Variants in MAP3K4 observed in about 807,000 individuals in gnomAD.
The protein encoded by MAP3K4 is MAP three kinase 1.
MAP3K4 carries 67 observed loss-of-function variants against 185.6 expected under a neutral mutation model. That is an observed-to-expected ratio of 0.36 (90% confidence interval 0.30 to 0.44). MAP3K4 has a LOEUF of 0.44. Ranked by LOEUF, MAP3K4 falls within the 20% of genes least tolerant of loss-of-function variation. MAP3K4 has a pLI of 1.00. For synonymous variants in MAP3K4, 702 were observed against 710.4 expected, an observed-to-expected ratio of 0.99 and a Z score of 0.19; for missense variants, 1,551 against 1,995.1, an observed-to-expected ratio of 0.78 and a Z score of 4.24.
chr6:161,069,924 T>TC (rs1481646340), intron 3 of MAP3K4, among the ~76,000 whole-genome samples: 1 of 151,300 alleles, frequency 6.6e-6, no homozygotes, highest in East Asian at 2.0e-4. Flanking sequence ...ACATTCCAGA[T>TC]CCCCTACTTT....
In MAP3K4 at chr6:161,109,337, A is replaced by T. The variant is rs569459511; in HGVS notation, c.4237-418A>T. Among the ~76,000 whole-genome samples, 1 of 151,948 alleles carries T rather than the reference A, an allele frequency of 6.6e-6. No individual in the cohort carries two copies. On this transcript the variant is annotated intron_variant, in intron 22 of 26. Transcript: ENST00000392142. This position sits in a 1 kb window ranked among gnomAD's most constrained non-coding sequence, Gnocchi z 5.7. ...AACTTGGAGCATCGTGGTGTAGAGCATGAGCTTCCAGGGGAAGTTGGAAAT... is the reference window on the plus strand; with the variant it reads ...AACTTGGAGCATCGTGGTGTAGAGCTTGAGCTTCCAGGGGAAGTTGGAAAT...
intron 2 of MAP3K4, among the ~76,000 whole-genome samples, chr6:161,038,006 C>T (rs575814643): frequency 6.6e-6 from 1 of 151,806 alleles, no homozygotes; most frequent in East Asian, 1.9e-4. Context: ...CCTGTCTTTC[C>T]TTCCTTCCAT....
chr6:161,074,163 TGTCTG>T lies in MAP3K4; in HGVS notation c.2097+553_2097+557del. On this transcript the variant is annotated intron_variant, in intron 5 of 26. Coordinates refer to ENST00000392142, the MANE Select transcript of MAP3K4 (RefSeq NM_005922.4). This position sits in a 1 kb window ranked among gnomAD's most constrained non-coding sequence, Gnocchi z 5.0. ...GTGCCAGCAGAGAAGCTTGCTGTGTTGTCTGGGAGGCACTTCCAGTGAGGAAGCTG... is the reference window on the plus strand; with the variant it reads ...GTGCCAGCAGAGAAGCTTGCTGTGTTGGAGGCACTTCCAGTGAGGAAGCTG... Among the ~76,000 whole-genome samples the T allele has an allele frequency of 6.6e-6, 1 of 152,336 alleles. No homozygotes were observed. Among genetic ancestry groups the T allele is most frequent in the South Asian group, 2.1e-4 (1 of 4,826 alleles).
intron 1 of MAP3K4, 108 bp downstream of exon 1, chr6:160,992,191 A>G: frequency 1.5e-6 from 2 of 1,377,112 alleles, no homozygotes; most frequent in Admixed American, 3.2e-5. Flanking sequence ...GGAGGGAAGC[A>G]TCCAGTCTCT....
At chr6:161,015,540 G>T (rs1304082746) in intron 1 of MAP3K4, among the ~76,000 whole-genome samples, 1 of 152,134 alleles carries the variant, frequency 6.6e-6, no homozygotes, top group African/African-American at 2.4e-5. Context: ...AAGAAAAGAG[G>T]TTTACTTAGA....
rs1185157453 is a variant in MAP3K4, at chr6:161,038,181, AG to A, written c.343+3733del. Among the ~76,000 whole-genome samples, 7 of 152,266 alleles carry A rather than the reference AG, an allele frequency of 4.6e-5. No individual in the cohort carries two copies. The South Asian group carries it at 1.5e-3, about 32-fold the overall frequency. On this transcript the variant is annotated intron_variant, in intron 2 of 26. Coordinates refer to ENST00000392142, the MANE Select transcript of MAP3K4 (RefSeq NM_005922.4). ...CTCCATAGGCATGTGCTCTTTTGGA[AG>A]ATGAATAAGACCTAGTTCCAGGTCA...
chr6:161,028,630 T>C lies in MAP3K4; in HGVS notation c.153-5629T>C, dbSNP rs892377809. The stretch of plus-strand genomic sequence containing the variant: ...TGCTCTTCAGTAATTGTTGGGGAGA[T>C]AGCTTCTTATTCATTTCCATAGGAA... On this transcript the variant is annotated intron_variant, in intron 1 of 26. Coordinates refer to ENST00000392142, the MANE Select transcript of MAP3K4 (RefSeq NM_005922.4). Among the ~76,000 whole-genome samples, 3 of 152,134 alleles carry C rather than the reference T, an allele frequency of 2.0e-5. No individual in the cohort carries two copies. The South Asian group carries it at 6.2e-4, about 32-fold the overall frequency.
At chr6:161,095,347 C>A (rs534955968) in intron 15 of MAP3K4, among the ~76,000 whole-genome samples, 2 of 152,154 alleles carry the variant, frequency 1.3e-5, no homozygotes, top group African/African-American at 4.8e-5. Context: ...TTCTAGTGTT[C>A]CATACGCAAC....
intron 6 of MAP3K4, among the ~76,000 whole-genome samples, chr6:161,083,328 C>T (rs1583210471): frequency 6.6e-6 from 1 of 152,182 alleles, no homozygotes; most frequent in Non-Finnish European, 1.5e-5. Context: ...TGTGTTTCTC[C>T]ATCCACTGGA....
In MAP3K4 at chr6:161,110,300, T is replaced by G. The variant is rs1291014026; in HGVS notation, c.4396+386T>G. On this transcript the variant is annotated intron_variant, in intron 23 of 26. Transcript: ENST00000392142. This position sits in a 1 kb window ranked among gnomAD's most constrained non-coding sequence, Gnocchi z 4.8. ...CATGAATATGTAAACCGACAGTAAA[T>G]CAGATCAGAAGTGCACATATAAATT... is the stretch of plus-strand genomic sequence containing the variant. 6.6e-6 allele frequency among the ~76,000 whole-genome samples: 1 copy of G among 152,168 alleles called. No homozygotes were observed. Among genetic ancestry groups the G allele is most frequent in the Non-Finnish European group, 1.5e-5 (1 of 68,030 alleles).
rs1026595469 is a variant in MAP3K4, at chr6:161,051,017, A to G, written c.1707+1038A>G. On this transcript the variant is annotated intron_variant, in intron 3 of 26. Coordinates refer to ENST00000392142, the MANE Select transcript of MAP3K4 (RefSeq NM_005922.4). This position sits in a 1 kb window ranked among gnomAD's most constrained non-coding sequence, Gnocchi z 4.2. Reference sequence around the variant, plus strand: ...ACCAATGCACAACCTCGTATGCTTTAATCTCGAGATTATGTGTAATGCCTT... The same window carrying G: ...ACCAATGCACAACCTCGTATGCTTTGATCTCGAGATTATGTGTAATGCCTT... Among the ~76,000 whole-genome samples, 2 of 152,208 alleles carry G rather than the reference A, an allele frequency of 1.3e-5. No homozygotes were observed. Among genetic ancestry groups the G allele is most frequent in the Admixed American group, 1.3e-4 (2 of 15,274 alleles).
At position 161,091,597 on chromosome 6, in the gene MAP3K4, A is replaced by G. The variant is rs2114867942; in HGVS notation, c.3135+57A>G. ...ATTTAGTAATTGCTTGATAACTTACAGAAAGTTTTTGGAACCTTTTACAGT... is the reference window on the plus strand; with the variant it reads ...ATTTAGTAATTGCTTGATAACTTACGGAAAGTTTTTGGAACCTTTTACAGT... On this transcript the variant is annotated intron_variant, in intron 12 of 26. Transcript: ENST00000392142. The surrounding 1 kb of genome is among the most constrained non-coding windows in gnomAD (Gnocchi z 5.5). 4 of 1,530,626 alleles carry G rather than the reference A, an allele frequency of 2.6e-6. No individual in the cohort carries two copies. Among genetic ancestry groups the G allele is most frequent in the African/African-American group, 1.4e-5 (1 of 72,180 alleles). The allele number at this position is 1,530,626 out of a possible 1,614,324, so 94.8% of individuals were successfully genotyped here.
Position 161,049,291 on chromosome 6 carries a change from A to G in MAP3K4, c.1019A>G (p.His340Arg), listed in dbSNP as rs1165740521. The G allele has an allele frequency of 1.2e-5, 20 of 1,614,192 alleles. No individual in the cohort carries two copies. Among genetic ancestry groups the G allele is most frequent in the Non-Finnish European group, 1.7e-5 (20 of 1,180,010 alleles). Residue 340 changes from histidine to arginine, a missense_variant, in exon 3 of 27, where the codon CAT becomes CGT. By Grantham distance (29) the His-to-Arg change is conservative (BLOSUM62 0). Transcript: ENST00000392142. The surrounding 1 kb of genome is among the most constrained non-coding windows in gnomAD (Gnocchi z 8.4). Reference protein sequence around the residue: ...PGTKIVGYSTHHEHLQRQRVS... With the variant: ...PGTKIVGYSTRHEHLQRQRVS... ...ACAAAGATTGTAGGTTACTCAACAC[A>G]TCATGAGCATCTCCAACGCCAGAGG...
chr6:161,003,831 CA>C (rs980715852), intron 1 of MAP3K4, among the ~76,000 whole-genome samples: 1 of 151,874 alleles, frequency 6.6e-6, no homozygotes, highest in African/African-American at 2.4e-5. Context: ...AAAGTCATTC[CA>C]AAATTTTTTT....
rs907734833 is a variant in MAP3K4, at chr6:161,111,829, T to A, written c.4397-7T>A. ...GGCTGCGTAACAACTACTTCTTTTC[T>A]TTTTAGGTGCCAATATCTTCCTTAC... On this transcript the variant is annotated splice_region_variant and splice_polypyrimidine_tract_variant and intron_variant, in intron 23 of 26. Transcript: ENST00000392142. 3.7e-6 allele frequency: 6 copies of A among 1,613,330 alleles called. No individual in the cohort carries two copies. The African/African-American group carries it at 8.0e-5, about 22-fold the overall frequency.
intron 1 of MAP3K4, among the ~76,000 whole-genome samples, chr6:161,033,176 A>C (rs1160927831): frequency 2.6e-5 from 4 of 152,130 alleles, no homozygotes. Flanking sequence ...GAAGAAATGG[A>C]TTATATACTG....
chr6:161,070,770 C>T lies in MAP3K4; in HGVS notation c.1870C>T (p.Leu624=), dbSNP rs774112460. Residue 624 remains leucine (L), a synonymous_variant, in exon 4 of 27, where the codon CTG becomes TTG. Coordinates refer to ENST00000392142, the MANE Select transcript of MAP3K4 (RefSeq NM_005922.4). This position sits in a 1 kb window ranked among gnomAD's most constrained non-coding sequence, Gnocchi z 4.5. The part of the protein sequence containing the change: ...PAFLVLCRVL[L]NVIHECLKLR... Reference sequence around the variant, plus strand: ...CTTCCTAGTTCTCTGCCGAGTCCTTCTGAATGTCATACATGAGTGTCTGAA... The same window carrying T: ...CTTCCTAGTTCTCTGCCGAGTCCTTTTGAATGTCATACATGAGTGTCTGAA... 6.2e-7 allele frequency: 1 copy of T among 1,614,144 alleles called. No homozygotes were observed. Among genetic ancestry groups the T allele is most frequent in the East Asian group, 2.2e-5 (1 of 44,878 alleles).
Position 161,049,968 on chromosome 6 carries a change from C to T in MAP3K4, c.1696C>T (p.Arg566Cys), listed in dbSNP as rs758321565. Residue 566 changes from arginine (R) to cysteine (C), a missense_variant, in exon 3 of 27, where the codon CGT (arginine) becomes TGT (cysteine). Physicochemically the swap from Arg to Cys is radical, Grantham distance 180. Transcript: ENST00000392142. This position sits in a 1 kb window ranked among gnomAD's most constrained non-coding sequence, Gnocchi z 8.4. The stretch of plus-strand genomic sequence containing the variant: ...ACGTATAGCATTGGTAAAGAACGAT[C>T]GTCCAGTGGAGGTAGGTTTCCAGTA... ...RARIALVKND[R>C]PVEFSEFPDP... The T allele has an allele frequency of 1.4e-5, 22 of 1,603,598 alleles. No homozygotes were observed. In the Admixed American group the frequency reaches 3.3e-4, roughly 24 times the overall value.
Position 161,051,094 on chromosome 6 carries a change from A to G in MAP3K4, c.1707+1115A>G, listed in dbSNP as rs553356393. 1.3e-5 allele frequency among the ~76,000 whole-genome samples: 2 copies of G among 152,272 alleles called. No individual in the cohort carries two copies. The highest frequency in any genetic ancestry group is 2.9e-5 in the Non-Finnish European group (2 of 68,050). Reference sequence around the variant, plus strand: ...TTGTTAATACTGTATAGTTTGGGGAATAATGGCAAGAAAAAAGTTTGTACA... The same window carrying G: ...TTGTTAATACTGTATAGTTTGGGGAGTAATGGCAAGAAAAAAGTTTGTACA... On this transcript the variant is annotated intron_variant, in intron 3 of 26. Transcript: ENST00000392142. This position sits in a 1 kb window ranked among gnomAD's most constrained non-coding sequence, Gnocchi z 4.2.
Sources: allele counts gnomAD v4.1 joint callset (sites outside exome capture counted in the v4.1 genomes callset), GRCh38; gene constraint gnomAD v4.1.1; non-coding constraint Gnocchi (gnomAD v3.1); transcripts MANE v1.5; gene names NCBI Gene and HGNC (gene_info 2026-07-23, HGNC 2026-07-21).